DICER1: variants seen among roughly 807,000 people sequenced by gnomAD.
The protein encoded by DICER1 is endoribonuclease Dicer.
DICER1 carries 43 observed loss-of-function variants against 194.1 expected under a neutral mutation model. The ratio of observed to expected loss-of-function variants is 0.22; its 90% CI spans 0.17 to 0.29. The LOEUF (loss-of-function observed/expected upper bound fraction) is 0.29, where lower values mean the gene tolerates loss of function less well. Among genes scored for constraint, DICER1 ranks in the 10% least tolerant of loss-of-function variants. DICER1 has a pLI of 1.00. For missense variants in DICER1, 1,608 were observed against 2,317.0 expected (o/e 0.69, Z 6.28); for synonymous variants, 832 against 820.5 (o/e 1.01, Z -0.24).
chr14:95,110,081 T>G (rs1213072579), intron 14 of DICER1, among the ~76,000 whole-genome samples: 2 of 152,134 alleles, frequency 1.3e-5, no homozygotes, highest in East Asian at 3.8e-4. Flanking sequence ...AGAAACCAAT[T>G]TTCCCACAGG....
rs2139845456 is a variant in DICER1 at position 95,096,227 on chromosome 14, C to A, written c.4693G>T (p.Ala1565Ser). The A allele has an allele frequency of 6.2e-7, 1 of 1,614,242 alleles. No homozygotes were observed. Among genetic ancestry groups the A allele is most frequent in the Non-Finnish European group, 8.5e-7 (1 of 1,180,048 alleles). The change falls in exon 23 of 27, where the codon GCC (alanine) becomes TCC (serine). Residue 1565 changes from alanine (A) to serine (S), a missense_variant. This residue lies in a region of DICER1 where 13 missense variants were observed against 35.7 expected (regional missense o/e 0.36). Transcript: ENST00000343455. ...ADKSIADCVE[A>S]LLGCYLTSCG... ...CTGGTTAAATAGCAGCCCAGCAGGG[C>A]TTCCACACAGTCCGCTATGCTTTTG...
Position 95,132,645 on chromosome 14 carries a change from A to G in DICER1, c.177T>C (p.Asn59=), listed in dbSNP as rs780984249. 6.2e-7 allele frequency: 1 copy of G among 1,614,024 alleles called. No individual in the cohort carries two copies. The highest frequency in any genetic ancestry group is 1.7e-5 in the Admixed American group (1 of 60,028). ...AGCCAGTGTTTAAACAGACGATGGT[A>G]TTATGATCCAGAGCTGCTTCAAGCA... ...VELLEAALDH[N]TIVCLNTGSG... is the part of the protein sequence containing the mutation. The change falls in exon 3 of 27, where the codon AAT becomes AAC. Residue 59 remains asparagine, a synonymous_variant. Transcript: ENST00000343455.
At chr14:95,106,245 A>C in intron 17 of DICER1, 22 bp from the exon 18 acceptor site, 1 of 1,579,372 alleles carries the variant, frequency 6.3e-7, no homozygotes, top group Non-Finnish European at 8.7e-7. Flanking sequence ...AAACAAAAAA[A>C]CAATCAGTTG....
At position 95,124,878 on chromosome 14, in the gene DICER1, T is replaced by A. The variant is rs1893275081; in HGVS notation, c.904-210A>T. The stretch of plus-strand genomic sequence containing the variant: ...GCCTAGAACCATCTCCTTTTTTCAA[T>A]AAAATAATCAAACAGAAATTAAAAG... On this transcript the variant is annotated intron_variant, in intron 7 of 26. Transcript: ENST00000343455. The surrounding 1 kb of genome is among the most constrained non-coding windows in gnomAD (Gnocchi z 4.5). Among the ~76,000 whole-genome samples the A allele has an allele frequency of 6.6e-6, 1 of 152,210 alleles. No individual in the cohort carries two copies. The highest frequency in any genetic ancestry group is 2.4e-5 in the African/African-American group (1 of 41,456).
rs182826462 is a variant in DICER1 at position 95,131,703 on chromosome 14, A to G, written c.308-64T>C. On this transcript the variant is annotated intron_variant, in intron 3 of 26. Coordinates refer to ENST00000343455, the MANE Select transcript of DICER1 (RefSeq NM_177438.3). ...TCTTGCCTAGTTGGCTCTCTGGACT[A>G]CTAATGATTAACAGTCTACAGAAAT... The G allele has an allele frequency of 2.5e-4, 342 of 1,369,514 alleles. 1 individual carries two copies. In the African/African-American group the frequency reaches 4.1e-3, roughly 17 times the overall value. 84.8% of individuals were successfully genotyped at this position (1,369,514 alleles called of 1,614,324 possible). A position where few individuals can be genotyped will look rare whatever the true frequency, so the allele number is the denominator to read the frequency against.
intron 1 of DICER1, chr14:95,141,313 G>T (rs1033883175): frequency 2.0e-5 from 3 of 152,150 alleles, no homozygotes; most frequent in African/African-American, 7.2e-5. Flanking sequence ...AATAATTCAA[G>T]AACACTGTTA....
At position 95,103,520 on chromosome 14, in the gene DICER1, G is replaced by A. The variant is rs760170985; in HGVS notation, c.3876C>T (p.Pro1292=). 2 of 1,614,184 alleles carry A rather than the reference G, an allele frequency of 1.2e-6. No individual in the cohort carries two copies. Among genetic ancestry groups the A allele is most frequent in the Non-Finnish European group, 1.7e-6 (2 of 1,180,030 alleles). The change falls in exon 21 of 27, where the codon CCC becomes CCT. Residue 1292 remains proline (P), a synonymous_variant. Transcript: ENST00000343455. The stretch of plus-strand genomic sequence containing the variant: ...AAGCCTGAAGAATAAGTCCAGGATT[G>A]GGGCCAAGAGTCCTTGAGGAGTACC... ...SIGYSSRTLG[P]NPGLILQALT... is the part of the protein sequence containing the mutation.
rs772381832 is a variant in DICER1, at chr14:95,133,350, T to C, written c.109A>G (p.Ile37Val). ...FFGLPWQQEA[I>V]HDNIYTPRKY... ...CTTGGCGTATAAATGTTATCATGAA[T>C]TGCTTCTTGTTGCCATGGCAGTCCA... The change falls in exon 2 of 27, where the codon ATT (isoleucine) becomes GTT (valine). Residue 37 changes from isoleucine (I) to valine (V), a missense_variant. Physicochemically the swap from Ile to Val is conservative, Grantham distance 29. This residue lies in a region of DICER1 where 657 missense variants were observed against 910.1 expected (regional missense o/e 0.72). Transcript: ENST00000343455. The C allele has an allele frequency of 1.2e-6, 2 of 1,614,162 alleles. No individual in the cohort carries two copies. The highest frequency in any genetic ancestry group is 1.1e-5 in the South Asian group (1 of 91,074).
At chr14:95,132,483 C>G in intron 3 of DICER1, 32 bp downstream of exon 3, 1 of 1,610,928 alleles carries the variant, frequency 6.2e-7, no homozygotes, top group Non-Finnish European at 8.5e-7. Flanking sequence ...CCAATTTCCC[C>G]TGCACAACTT....
At chr14:95,153,303 T>G (rs1895637035) in intron 1 of DICER1, among the ~76,000 whole-genome samples, 1 of 152,028 alleles carries the variant, frequency 6.6e-6, no homozygotes, top group African/African-American at 2.4e-5. Flanking sequence ...CTGAATGGAT[T>G]GTTATTTAGC....
chr14:95,104,904 G>C (rs1891270199), intron 20 of DICER1, among the ~76,000 whole-genome samples, 167 bp downstream of exon 20: 1 of 152,190 alleles, frequency 6.6e-6, no homozygotes, highest in Admixed American at 6.5e-5. Context: ...GGTTATTTCT[G>C]ACCTCAGATT....
At position 95,131,706 on chromosome 14, in the gene DICER1, A is replaced by G. The variant is rs1003537476; in HGVS notation, c.308-67T>C. On this transcript the variant is annotated intron_variant, in intron 3 of 26. Transcript: ENST00000343455. ...TGCCTAGTTGGCTCTCTGGACTACT[A>G]ATGATTAACAGTCTACAGAAATCCT... The G allele has an allele frequency of 9.0e-6, 12 of 1,327,394 alleles. No individual in the cohort carries two copies. The African/African-American group carries it at 1.3e-4, about 14-fold the overall frequency. 82.2% of individuals were successfully genotyped at this position (1,327,394 alleles called of 1,614,324 possible).
Position 95,106,136 on chromosome 14 carries a change from C to T in DICER1, c.2892G>A (p.Glu964=), listed in dbSNP as rs1891400860. ...TATAATATTCTGCAAAAGTTTCATACTCAGGGGAAGGAAATTTACTGAGTG... is the reference window on the plus strand; with the variant it reads ...TATAATATTCTGCAAAAGTTTCATATTCAGGGGAAGGAAATTTACTGAGTG... ...LTPLSKFPSP[E]YETFAEYYKT... Residue 964 remains glutamate (E), a synonymous_variant, in exon 18 of 27, where the codon GAG becomes GAA. Coordinates refer to ENST00000343455, the MANE Select transcript of DICER1 (RefSeq NM_177438.3). 2 of 1,613,972 alleles carry T rather than the reference C, an allele frequency of 1.2e-6. No individual in the cohort carries two copies. The highest frequency in any genetic ancestry group is 2.7e-5 in the African/African-American group (2 of 74,904).
At chr14:95,129,401 A>G in intron 6 of DICER1, 71 bp downstream of exon 6, 1 of 1,488,442 alleles carries the variant, frequency 6.7e-7, no homozygotes, top group Non-Finnish European at 9.3e-7. Flanking sequence ...GCAAGGTACT[A>G]CAAAAACACC....
rs1891340097 is a variant in DICER1, at chr14:95,105,550, G to A, written c.3093+128C>T. On this transcript the variant is annotated intron_variant, in intron 19 of 26. Coordinates refer to ENST00000343455, the MANE Select transcript of DICER1 (RefSeq NM_177438.3). This position sits in a 1 kb window ranked among gnomAD's most constrained non-coding sequence, Gnocchi z 4.9. ...AAAACAAAACAAAACAAAATTTGAG[G>A]ATTAGGTAACTTCTAAAAAATTAAC... 2 of 794,548 alleles carry A rather than the reference G, an allele frequency of 2.5e-6. No individual in the cohort carries two copies. The highest frequency in any genetic ancestry group is 4.2e-6 in the Non-Finnish European group (2 of 471,956). The allele number at this position is 794,548 out of a possible 1,614,324, so 49.2% of individuals were successfully genotyped here. A position where few individuals can be genotyped will look rare whatever the true frequency, so the allele number is the denominator to read the frequency against.
chr14:95,131,211 G>A (rs367651463), intron 4 of DICER1, among the ~76,000 whole-genome samples: 2 of 152,018 alleles, frequency 1.3e-5, no homozygotes, highest in African/African-American at 2.4e-5. Flanking sequence ...TGTTAGTAGA[G>A]ACAGGGTTTC....
In DICER1 at chr14:95,103,968, A is replaced by G. The variant is rs139786661; in HGVS notation, c.3428T>C (p.Leu1143Pro). The G allele has an allele frequency of 1.4e-4, 226 of 1,614,202 alleles. No individual in the cohort carries two copies. The African/African-American group carries it at 2.7e-3, about 19-fold the overall frequency. ...CACAGACATTTGGTCATGATTTTCTAGAGAGGAGGTTCTATTAGCACCTTG... is the reference window on the plus strand; with the variant it reads ...CACAGACATTTGGTCATGATTTTCTGGAGAGGAGGTTCTATTAGCACCTTG... ...AHQGANRTSS[L>P]ENHDQMSVNC... The change falls in exon 21 of 27, where the codon CTA becomes CCA. Residue 1143 changes from leucine to proline, a missense_variant. Leu to Pro is a moderately conservative substitution (Grantham distance 98, BLOSUM62 -3). Around this residue, in one of 10 missense-constraint regions of DICER1, gnomAD observed 222 missense variants for 215.5 expected, o/e 1.03. Transcript: ENST00000343455.
intron 5 of DICER1, 74 bp downstream of exon 5, chr14:95,129,984 G>A: frequency 7.0e-7 from 1 of 1,432,514 alleles, no homozygotes; most frequent in Non-Finnish European, 9.7e-7. Context: ...TATTGCTTTT[G>A]AAATCTAAAA....
Position 95,124,119 on chromosome 14 carries a change from A to T in DICER1, c.1376+77T>A. 9.4e-7 allele frequency: 1 copy of T among 1,062,384 alleles called. No homozygotes were observed. Among genetic ancestry groups the T allele is most frequent in the Non-Finnish European group, 1.4e-6 (1 of 694,470 alleles). 65.8% of individuals were successfully genotyped at this position (1,062,384 alleles called of 1,614,324 possible). A position where few individuals can be genotyped will look rare whatever the true frequency, so the allele number is the denominator to read the frequency against. Reference sequence around the variant, plus strand: ...ACATAACCCTCATGCTAGCTCTTACAGCTGCTGCAGCGCATCACATCACAA... The same window carrying T: ...ACATAACCCTCATGCTAGCTCTTACTGCTGCTGCAGCGCATCACATCACAA... On this transcript the variant is annotated intron_variant, in intron 8 of 26. Coordinates refer to ENST00000343455, the MANE Select transcript of DICER1 (RefSeq NM_177438.3). The surrounding 1 kb of genome is among the most constrained non-coding windows in gnomAD (Gnocchi z 4.5).
Sources: gnomAD v4.1 joint callset for allele counts (sites outside exome capture counted in the v4.1 genomes callset) on GRCh38, gnomAD v4.1.1 for gene constraint, gnomAD v4.1.1 regional missense constraint, Gnocchi (gnomAD v3.1) non-coding constraint, MANE v1.5 for transcripts, NCBI Gene and HGNC (gene_info 2026-07-23, HGNC 2026-07-21) for gene names.